SLC36A1: variants seen among roughly 807,000 people sequenced by gnomAD.
SLC36A1 encodes the protein solute carrier family 36 member 1.
Under a neutral mutation model 47.5 loss-of-function variants are expected in SLC36A1, and 30 were observed. That is an observed-to-expected ratio of 0.63 (90% CI 0.47 to 0.86). SLC36A1 has a LOEUF of 0.86. SLC36A1 is among the 40% of genes least tolerant of loss of function. SLC36A1 has a pLI of 0.00. For synonymous variants in SLC36A1, 255 were observed against 249.7 expected, an observed-to-expected ratio of 1.02 and a Z score of -0.20; for missense variants, 517 against 606.0, an observed-to-expected ratio of 0.85 and a Z score of 1.54.
the SLC36A1 span, among the ~76,000 whole-genome samples, chr5:151,417,528 A>G: frequency 6.6e-6 from 1 of 151,942 alleles, no homozygotes; most frequent in Non-Finnish European, 1.5e-5. Context: ...TTTGCCCCCA[A>G]CCTAGAGATC....
At chr5:151,474,567 A>G (rs1386068740) in intron 8 of SLC36A1, among the ~76,000 whole-genome samples, 1 of 152,242 alleles carries the variant, frequency 6.6e-6, no homozygotes, top group Non-Finnish European at 1.5e-5. Flanking sequence ...TAAATGTTTA[A>G]TAGATTTTTA....
At chr5:151,363,069 G>A in the SLC36A1 span, among the ~76,000 whole-genome samples, 1 of 152,060 alleles carries the variant, frequency 6.6e-6, no homozygotes, top group Non-Finnish European at 1.5e-5. Flanking sequence ...GTTTTTATTT[G>A]TTATGTTTGC....
the SLC36A1 span, among the ~76,000 whole-genome samples, chr5:151,537,232 G>GGAA: frequency 2.7e-5 from 4 of 150,764 alleles, no homozygotes; most frequent in East Asian, 2.0e-4. Flanking sequence ...AGGAGGAGGA[G>GGAA]GAAGAAGAAG....
the SLC36A1 span, chr5:151,509,397 C>G: frequency 6.6e-6 from 1 of 152,440 alleles, no homozygotes. Flanking sequence ...GGTCCACAAC[C>G]CCTGGGTCAC....
chr5:151,457,929 AC>A (rs1229624858), intron 1 of SLC36A1, among the ~76,000 whole-genome samples: 2 of 148,794 alleles, frequency 1.3e-5, no homozygotes, highest in African/African-American at 5.0e-5. Context: ...GCTCACCACA[AC>A]CTCCGCCTCC....
At chr5:151,495,382 G>A (rs1050307591), downstream of SLC36A1, among the ~76,000 whole-genome samples, 1 of 152,182 alleles carries the variant, frequency 6.6e-6, no homozygotes, top group Non-Finnish European at 1.5e-5. Context: ...CAAAGGCACA[G>A]GAGGGAGGTC....
In SLC36A1 at chr5:151,479,304, C is replaced by T; in HGVS notation, c.990-16C>T. The T allele has an allele frequency of 6.2e-7, 1 of 1,612,714 alleles. No individual in the cohort carries two copies. The highest frequency in any genetic ancestry group is 8.5e-7 in the Non-Finnish European group (1 of 1,178,900). ...GTGCTGAGCAGGCTTGGAATGTCTC[C>T]TGTCTGTTTCGGCAGGTTGTACCAG... On this transcript the variant is annotated splice_polypyrimidine_tract_variant and intron_variant, in intron 9 of 10. Transcript: ENST00000243389.
upstream of SLC36A1, among the ~76,000 whole-genome samples, chr5:151,433,239 TATATATATATATATATATATATA>T (rs1561704706): frequency 7.8e-4 from 8 of 10,220 alleles, no homozygotes; most frequent in Non-Finnish European, 1.4e-3. Context: ...TATATATATA[TATATATATATATATATATATATA>T]TATATTTTTT....
chr5:151,367,986 C>T, the SLC36A1 span, among the ~76,000 whole-genome samples: 5 of 152,124 alleles, frequency 3.3e-5, no homozygotes, highest in Non-Finnish European at 5.9e-5. Flanking sequence ...GGGTAGGAGG[C>T]GTTGGACCCC....
the SLC36A1 span, among the ~76,000 whole-genome samples, chr5:151,383,973 A>G: frequency 6.6e-6 from 1 of 152,192 alleles, no homozygotes; most frequent in African/African-American, 2.4e-5. Context: ...AGTCCATTGT[A>G]AAACGTAGTG....
the SLC36A1 span, among the ~76,000 whole-genome samples, chr5:151,500,629 A>G: frequency 3.6e-4 from 55 of 152,272 alleles, no homozygotes; most frequent in East Asian, 8.7e-3. Context: ...CGGCCTCCCA[A>G]AGTGCTGGGA....
intron 10 of SLC36A1, among the ~76,000 whole-genome samples, chr5:151,481,062 G>T (rs1051244579): frequency 1.3e-5 from 2 of 152,132 alleles, no homozygotes; most frequent in Admixed American, 1.3e-4. Flanking sequence ...CACACTTCCT[G>T]CCAGGTTTAT....
the SLC36A1 span, chr5:151,540,569 G>A: frequency 6.2e-7 from 1 of 1,611,542 alleles, no homozygotes; most frequent in Non-Finnish European, 8.5e-7. Context: ...GCTCTCACCT[G>A]TGAACACTGT....
the SLC36A1 span, among the ~76,000 whole-genome samples, chr5:151,360,808 C>T: frequency 6.6e-6 from 1 of 152,212 alleles, no homozygotes; most frequent in African/African-American, 2.4e-5. Flanking sequence ...GCTGCTTCTT[C>T]TTCCTCCTCA....
At chr5:151,365,410 G>A in the SLC36A1 span, among the ~76,000 whole-genome samples, 1 of 152,192 alleles carries the variant, frequency 6.6e-6, no homozygotes, top group Non-Finnish European at 1.5e-5. Flanking sequence ...ACAGGCTCAG[G>A]GAAAGTGGCC....
At chr5:151,349,522 G>C in the SLC36A1 span, among the ~76,000 whole-genome samples, 1 of 152,078 alleles carries the variant, frequency 6.6e-6, no homozygotes, top group African/African-American at 2.4e-5. Context: ...TCAAACTCCA[G>C]TGTCCCCTTT....
the SLC36A1 span, among the ~76,000 whole-genome samples, chr5:151,400,116 C>T: frequency 3.3e-5 from 5 of 152,046 alleles, no homozygotes; most frequent in Admixed American, 1.3e-4. Flanking sequence ...ACCCAGGTAA[C>T]GATCTTAGTA....
intron 10 of SLC36A1, chr5:151,479,948 T>G (rs1487196267): frequency 1.6e-5 from 10 of 614,684 alleles, no homozygotes; most frequent in Non-Finnish European, 2.8e-6. Flanking sequence ...TTCTAGACAT[T>G]TTTTAATGTC....
the SLC36A1 span, chr5:151,531,524 G>T: frequency 6.3e-7 from 1 of 1,594,508 alleles, no homozygotes; most frequent in African/African-American, 1.3e-5. This position sits in a 1 kb window ranked among gnomAD's most constrained non-coding sequence, Gnocchi z 5.7. Flanking sequence ...CACAGGGGAG[G>T]AACCCAGCGC....
Sources: gnomAD v4.1 joint callset for allele counts (sites outside exome capture counted in the v4.1 genomes callset) on GRCh38, gnomAD v4.1.1 for gene constraint, Gnocchi (gnomAD v3.1) non-coding constraint, MANE v1.5 for transcripts, NCBI Gene and HGNC (gene_info 2026-07-23, HGNC 2026-07-21) for gene names.